OPRD1: variants seen among roughly 807,000 people sequenced by gnomAD.
The protein encoded by OPRD1 is opioid receptor delta 1.
Under a neutral mutation model 17.5 loss-of-function variants are expected in OPRD1, and 19 were observed. That is an observed-to-expected ratio of 1.09 (90% CI 0.76 to 1.60). OPRD1 has a LOEUF of 1.60. Among genes scored for constraint, OPRD1 ranks in the 40% most tolerant of loss-of-function variants. OPRD1 has a pLI of 0.00. For missense variants in OPRD1, 483 were observed against 547.2 expected (o/e 0.88, Z 1.17); for synonymous variants, 256 against 240.9 (o/e 1.06, Z -0.58).
chr1:28,838,372 T>G (rs2088870312), intron 1 of OPRD1, among the ~76,000 whole-genome samples: 1 of 152,208 alleles, frequency 6.6e-6, no homozygotes. Flanking sequence ...CAGAAGGAAC[T>G]TGGTTTCCCA....
rs190255585 is a variant in OPRD1, at chr1:28,850,851, C to T, written c.228-8103C>T. On this transcript the variant is annotated intron_variant, in intron 1 of 2. Coordinates refer to ENST00000234961, the MANE Select transcript of OPRD1 (RefSeq NM_000911.4). The stretch of plus-strand genomic sequence containing the variant: ...AATAATAAAAGGTCAATGGAAGAAT[C>T]GAGAGATAACAAAAAGGAAATTTCC... Among the ~76,000 whole-genome samples, 4 of 149,262 alleles carry T rather than the reference C, an allele frequency of 2.7e-5. No individual in the cohort carries two copies. In the East Asian group the frequency reaches 7.8e-4, roughly 29 times the overall value.
Position 28,859,066 on chromosome 1 carries a change from T to TG in OPRD1, c.342dup (p.Pro115AlafsTer31). 5 of 1,614,244 alleles carry TG rather than the reference T, an allele frequency of 3.1e-6. No individual in the cohort carries two copies. Among genetic ancestry groups the TG allele is most frequent in the Non-Finnish European group, 4.2e-6 (5 of 1,180,044 alleles). On this transcript the variant is annotated frameshift_variant, in exon 2 of 3. Transcript: ENST00000234961. LOFTEE classifies it high-confidence loss of function. ...GAGTGCCAAGTACCTGATGGAGACG[T>TG]GGCCCTTCGGCGAGCTGCTCTGCAA...
At chr1:28,860,238 G>A (rs1042689863) in intron 2 of OPRD1, among the ~76,000 whole-genome samples, 4 of 152,058 alleles carry the variant, frequency 2.6e-5, no homozygotes, top group African/African-American at 4.8e-5. Flanking sequence ...GGTGGTGGGC[G>A]TCTGTAGTCC....
Position 28,858,585 on chromosome 1 carries a change from G to A in OPRD1, c.228-369G>A, listed in dbSNP as rs537013412. Among the ~76,000 whole-genome samples the A allele has an allele frequency of 5.2e-5, 7 of 133,598 alleles. No homozygotes were observed. The East Asian group carries it at 1.1e-3, about 20-fold the overall frequency. 87.6% of individuals were successfully genotyped at this position (133,598 alleles called of 152,430 possible). A position where few individuals can be genotyped will look rare whatever the true frequency, so the allele number is the denominator to read the frequency against. Reference sequence around the variant, plus strand: ...TTTGAGACAGAGCTTCGCTTTTATCGCTCAGGCTGAAGTGCAATGGCGCAA... The same window carrying A: ...TTTGAGACAGAGCTTCGCTTTTATCACTCAGGCTGAAGTGCAATGGCGCAA... On this transcript the variant is annotated intron_variant, in intron 1 of 2. Transcript: ENST00000234961.
At chr1:28,858,659 C>A (rs1201383191) in intron 1 of OPRD1, among the ~76,000 whole-genome samples, 1 of 151,656 alleles carries the variant, frequency 6.6e-6, no homozygotes, top group Non-Finnish European at 1.5e-5. Flanking sequence ...AATTTTCCTG[C>A]CTCAGCCTCC....
At chr1:28,843,893 A>G (rs2088917425) in intron 1 of OPRD1, among the ~76,000 whole-genome samples, 1 of 152,210 alleles carries the variant, frequency 6.6e-6, no homozygotes, top group Non-Finnish European at 1.5e-5. Flanking sequence ...TTGTTTCTCC[A>G]TCTATCAATG....
At chr1:28,846,758 TC>T (rs2124279921) in intron 1 of OPRD1, among the ~76,000 whole-genome samples, 1 of 151,550 alleles carries the variant, frequency 6.6e-6, no homozygotes, top group African/African-American at 2.4e-5. Flanking sequence ...AGTGCAGTAA[TC>T]CCACCATCCC....
At chr1:28,852,164 T>TAAAAAAAAAAAAAA (rs71030305) in intron 1 of OPRD1, among the ~76,000 whole-genome samples, 2 of 86,744 alleles carry the variant, frequency 2.3e-5, no homozygotes, top group African/African-American at 4.7e-5. Context: ...AAACTCCATG[T>TAAAAAAAAAAAAAA]AAAAAAAAAA....
chr1:28,834,919 A>G (rs1246964250), intron 1 of OPRD1, among the ~76,000 whole-genome samples: 2 of 151,890 alleles, frequency 1.3e-5, no homozygotes, highest in Admixed American at 1.3e-4. Context: ...ACCCTCCTCT[A>G]TGTTCCCACA....
intron 2 of OPRD1, among the ~76,000 whole-genome samples, chr1:28,862,117 C>T (rs1557581189): frequency 1.3e-5 from 2 of 151,536 alleles, no homozygotes; most frequent in Admixed American, 6.6e-5. Context: ...TGGGGTTTTA[C>T]CGTGTTAGCC....
rs528394537 is a variant in OPRD1, at chr1:28,843,741, C to T, written c.228-15213C>T. Among the ~76,000 whole-genome samples, 10 of 152,274 alleles carry T rather than the reference C, an allele frequency of 6.6e-5. No homozygotes were observed. In the South Asian group the frequency reaches 1.7e-3, roughly 25 times the overall value. ...TCAAGCAGTCATTCCACCTCAGCCT[C>T]CCGAGTAGCTGGGACTACAAACGTG... On this transcript the variant is annotated intron_variant, in intron 1 of 2. Transcript: ENST00000234961.
chr1:28,818,714 A>C (rs576369341), intron 1 of OPRD1, among the ~76,000 whole-genome samples: 1 of 152,272 alleles, frequency 6.6e-6, no homozygotes, highest in Non-Finnish European at 1.5e-5. Flanking sequence ...CTCGGGAGCC[A>C]CCCATGATTC....
Position 28,868,880 on chromosome 1 carries a change from A to G in OPRD1, c.*5597A>G. The G allele has an allele frequency of 6.6e-6, 1 of 151,912 alleles. No individual in the cohort carries two copies. The highest frequency in any genetic ancestry group is 1.5e-5 in the Non-Finnish European group (1 of 68,144). 9.4% of individuals were successfully genotyped at this position (151,912 alleles called of 1,614,324 possible). ...TAAAAAGAAATGCTCCTCAAGTTGG[A>G]GAGGGCCCACTAGCATCCTGAGAGG... is the stretch of plus-strand genomic sequence containing the variant. On this transcript the variant is annotated 3_prime_UTR_variant, in exon 3 of 3. Transcript: ENST00000234961.
rs2088635850 is a variant in OPRD1, at chr1:28,812,262, GGCCGGGGCGCGGCAGCCGGCGGC to G, written c.-120_-98del. 2.7e-5 allele frequency: 14 copies of G among 521,704 alleles called. No homozygotes were observed. The Admixed American group carries it at 6.9e-4, about 26-fold the overall frequency. 32.3% of individuals were successfully genotyped at this position (521,704 alleles called of 1,614,324 possible). On this transcript the variant is annotated 5_prime_UTR_variant, in exon 1 of 3. Transcript: ENST00000234961. ...GGACGAGGCGCAGAGACAGCGGGGC[GGCCGGGGCGCGGCAGCCGGCGGC>G]GTCGGGGCCGCGGCCTCTGCCTTGC...
At chr1:28,851,619 C>A (rs992742645) in intron 1 of OPRD1, among the ~76,000 whole-genome samples, 2 of 152,138 alleles carry the variant, frequency 1.3e-5, no homozygotes, top group African/African-American at 2.4e-5. Context: ...CGCCTGTAAT[C>A]CCAGCACTTT....
chr1:28,822,326 G>A (rs1033602192), intron 1 of OPRD1, among the ~76,000 whole-genome samples: 1 of 152,140 alleles, frequency 6.6e-6, no homozygotes, highest in Admixed American at 6.6e-5. Context: ...AATGTAGGGA[G>A]CTTCCTGTCA....
intron 1 of OPRD1, among the ~76,000 whole-genome samples, chr1:28,824,799 T>G (rs1359188516): frequency 2.0e-5 from 3 of 152,090 alleles, no homozygotes; most frequent in African/African-American, 7.2e-5. Context: ...AAGATAATTT[T>G]GAAATCAGAA....
At chr1:28,815,446 C>T (rs925680931) in intron 1 of OPRD1, among the ~76,000 whole-genome samples, 6 of 152,200 alleles carry the variant, frequency 3.9e-5, no homozygotes, top group African/African-American at 1.2e-4. Context: ...GAGCAGAGAC[C>T]TGGGGACTAT....
chr1:28,867,723 C>T lies in OPRD1; in HGVS notation c.*4440C>T, dbSNP rs2089187440. On this transcript the variant is annotated 3_prime_UTR_variant, in exon 3 of 3. Coordinates refer to ENST00000234961, the MANE Select transcript of OPRD1 (RefSeq NM_000911.4). ...GTTTTCCCTCTCTGAGCCTCAGTTT[C>T]CTCATCTGTAGAGTAGACTTCCTTC... 1.3e-5 allele frequency: 2 copies of T among 152,860 alleles called. No homozygotes were observed. Among genetic ancestry groups the T allele is most frequent in the African/African-American group, 2.4e-5 (1 of 41,462 alleles). The allele number at this position is 152,860 out of a possible 1,614,324, so 9.5% of individuals were successfully genotyped here.
Sources: gnomAD v4.1 joint callset for allele counts (sites outside exome capture counted in the v4.1 genomes callset) on GRCh38, gnomAD v4.1.1 for gene constraint, MANE v1.5 for transcripts, NCBI Gene and HGNC (gene_info 2026-07-23, HGNC 2026-07-21) for gene names.